The following TCF12 variants were observed in gnomAD, a reference collection of about 807,000 sequenced individuals.
TCF12 encodes DNA-binding protein HTF4.
In TCF12, 45 loss-of-function variants were observed where a neutral mutation model predicts 86.0. The observed-to-expected ratio is 0.52, with a 90% CI of 0.41 to 0.67. The LOEUF (loss-of-function observed/expected upper bound fraction) is 0.67. TCF12 is among the 30% of genes least tolerant of loss of function. The probability of loss-of-function intolerance (pLI) is 0.00; values close to 1 mark genes in which losing one functional copy is unlikely to be tolerated. For synonymous variants in TCF12, 330 were observed against 299.6 expected, an observed-to-expected ratio of 1.10 and a Z score of -1.05; for missense variants, 881 against 859.9, an observed-to-expected ratio of 1.02 and a Z score of -0.31.
chr15:57,258,599 T>C (rs1453305123), intron 16 of TCF12, among the ~76,000 whole-genome samples: 4 of 152,222 alleles, frequency 2.6e-5, no homozygotes, highest in African/African-American at 9.6e-5. Flanking sequence ...TTCATTGTTA[T>C]AAGTCCTGAT....
chr15:57,104,983 C>G lies in TCF12; in HGVS notation c.325+13092C>G, dbSNP rs191893328. Among the ~76,000 whole-genome samples, 135 of 147,998 alleles carry G rather than the reference C, an allele frequency of 9.1e-4. 1 individual carries two copies. Among genetic ancestry groups the G allele is most frequent in the African/African-American group, 3.3e-3 (133 of 39,780 alleles). ...CTGCCTCCCGGGTTCAAGCAATTCTCCTGCCTCAGCCTCCCAAGTAGCTGG... is the reference window on the plus strand; with the variant it reads ...CTGCCTCCCGGGTTCAAGCAATTCTGCTGCCTCAGCCTCCCAAGTAGCTGG... On this transcript the variant is annotated intron_variant, in intron 5 of 20. Transcript: ENST00000333725.
In TCF12 at chr15:56,923,795, A is replaced by G. The variant is rs545258147; in HGVS notation, c.148+2697A>G. Among the ~76,000 whole-genome samples, 6 of 151,980 alleles carry G rather than the reference A, an allele frequency of 3.9e-5. No individual in the cohort carries two copies. The South Asian group carries it at 1.2e-3, about 32-fold the overall frequency. ...AATCCAAGTAGTAAGGGATGTTGTCATTTTGTAAGCCATCTGTAGATATTG... is the reference window on the plus strand; with the variant it reads ...AATCCAAGTAGTAAGGGATGTTGTCGTTTTGTAAGCCATCTGTAGATATTG... On this transcript the variant is annotated intron_variant, in intron 3 of 20. Coordinates refer to ENST00000333725, the MANE Select transcript of TCF12 (RefSeq NM_207037.2).
intron 8 of TCF12, among the ~76,000 whole-genome samples, chr15:57,206,758 A>G (rs2057835901): frequency 6.6e-6 from 1 of 151,430 alleles, no homozygotes; most frequent in South Asian, 2.1e-4. Context: ...CACTTAACTT[A>G]AACTTAGATA....
chr15:56,920,076 A>T (rs2059712603), intron 2 of TCF12, 88 bp downstream of exon 2: 6 of 1,471,290 alleles, frequency 4.1e-6, no homozygotes, highest in Non-Finnish European at 5.6e-6. Flanking sequence ...GGGTGAGGGG[A>T]AGCAACGTGG....
chr15:57,170,407 T>C (rs1490532900), intron 6 of TCF12, among the ~76,000 whole-genome samples: 1 of 151,520 alleles, frequency 6.6e-6, no homozygotes, highest in South Asian at 2.1e-4. Context: ...CATCTCTACA[T>C]TGATTTCTTC....
chr15:57,025,370 G>A (rs28637784), intron 3 of TCF12, among the ~76,000 whole-genome samples: 2,107 of 152,176 alleles, frequency 0.014, 58 homozygotes, highest in African/African-American at 0.044. Context: ...ATGAGCCACC[G>A]CCCCCAGCCT....
At chr15:56,960,968 T>A (rs1164211352) in intron 3 of TCF12, among the ~76,000 whole-genome samples, 16 of 151,836 alleles carry the variant, frequency 1.1e-4, no homozygotes, top group African/African-American at 3.9e-4. Flanking sequence ...GGTGAAACCC[T>A]GTCTCTACTA....
chr15:57,059,365 T>C lies in TCF12; in HGVS notation c.149-4385T>C, dbSNP rs193002657. 3.3e-5 allele frequency among the ~76,000 whole-genome samples: 5 copies of C among 152,320 alleles called. No individual in the cohort carries two copies. The East Asian group carries it at 9.6e-4, about 29-fold the overall frequency. ...TATGGCCAGATTGAATTGCTTTTCT[T>C]ACTGCTTTTGCTGCAGGGACATCCT... On this transcript the variant is annotated intron_variant, in intron 3 of 20. Transcript: ENST00000333725.
intron 5 of TCF12, among the ~76,000 whole-genome samples, chr15:57,162,516 A>G (rs1448626838): frequency 6.6e-6 from 1 of 152,204 alleles, no homozygotes; most frequent in East Asian, 1.9e-4. Context: ...TTACAGTTCA[A>G]AATCTTATTT....
chr15:57,130,124 AC>A (rs1358968212), intron 5 of TCF12, among the ~76,000 whole-genome samples: 3 of 152,356 alleles, frequency 2.0e-5, no homozygotes, highest in East Asian at 3.9e-4. Context: ...TGCCTAAGGA[AC>A]TGTGTTTTCC....
At chr15:56,945,943 G>A (rs1222031635) in intron 3 of TCF12, among the ~76,000 whole-genome samples, 3 of 152,076 alleles carry the variant, frequency 2.0e-5, no homozygotes, top group African/African-American at 4.8e-5. Flanking sequence ...GCCTTTTGCC[G>A]TAGTATGATA....
chr15:57,135,423 T>G (rs1425568981), intron 5 of TCF12, among the ~76,000 whole-genome samples: 1 of 152,194 alleles, frequency 6.6e-6, no homozygotes, highest in Non-Finnish European at 1.5e-5. Flanking sequence ...AAAGTCATGG[T>G]GTATATAAGC....
intron 12 of TCF12, among the ~76,000 whole-genome samples, chr15:57,238,285 T>A (rs2059461880): frequency 6.6e-6 from 1 of 152,192 alleles, no homozygotes; most frequent in African/African-American, 2.4e-5. Context: ...AGTGCTCTTA[T>A]ATGACTCTAA....
At chr15:57,149,281 G>A (rs1466919205) in intron 5 of TCF12, among the ~76,000 whole-genome samples, 2 of 152,002 alleles carry the variant, frequency 1.3e-5, no homozygotes, top group East Asian at 1.9e-4. Context: ...AAGGGTTGGG[G>A]CCAGGAATTA....
At chr15:57,250,025 T>C (rs138140733) in intron 13 of TCF12, among the ~76,000 whole-genome samples, 12 of 152,278 alleles carry the variant, frequency 7.9e-5, no homozygotes, top group Non-Finnish European at 1.5e-4. Flanking sequence ...TCTGAACTTG[T>C]ATCTTTTCTT....
intron 5 of TCF12, among the ~76,000 whole-genome samples, chr15:57,101,596 C>A (rs916983919): frequency 2.0e-5 from 3 of 152,162 alleles, no homozygotes; most frequent in Non-Finnish European, 2.9e-5. Flanking sequence ...TGCACGCGTG[C>A]GTGCACACAC....
chr15:57,244,790 T>G (rs1953424314), intron 13 of TCF12, among the ~76,000 whole-genome samples: 1 of 151,994 alleles, frequency 6.6e-6, no homozygotes, highest in African/African-American at 2.4e-5. Context: ...CTTAATATTT[T>G]TTATGTTAGT....
intron 18 of TCF12, among the ~76,000 whole-genome samples, chr15:57,272,497 C>T (rs531857634): frequency 2.6e-5 from 4 of 152,162 alleles, no homozygotes; most frequent in African/African-American, 7.2e-5. Flanking sequence ...GCCAGGTAAC[C>T]GCCAGAGTAT....
chr15:56,958,815 G>A (rs2061615590), intron 3 of TCF12, among the ~76,000 whole-genome samples: 3 of 151,994 alleles, frequency 2.0e-5, no homozygotes, highest in South Asian at 4.2e-4. Context: ...GAGGCCAGGG[G>A]TTTGAGACCA....
Sources: gnomAD v4.1 joint callset for allele counts (sites outside exome capture counted in the v4.1 genomes callset) on GRCh38, gnomAD v4.1.1 for gene constraint, MANE v1.5 for transcripts, NCBI Gene and HGNC (gene_info 2026-07-23, HGNC 2026-07-21) for gene names.